Variants in JDP2 observed in about 807,000 individuals in gnomAD.
The protein encoded by JDP2 is progesterone receptor co-activator.
JDP2 carries 9 observed loss-of-function variants against 17.1 expected under a neutral mutation model. The ratio of observed to expected loss-of-function variants is 0.53; its 90% confidence interval spans 0.32 to 0.92. The LOEUF is 0.92. JDP2 is among the 40% of genes least tolerant of loss of function. The pLI is 0.04. For synonymous variants in JDP2, 107 were observed against 95.6 expected (o/e 1.12, Z -0.69); for missense variants, 179 against 220.0 (o/e 0.81, Z 1.18).
At position 75,470,702 on chromosome 14, in the gene JDP2, C is replaced by T. The variant is rs961773601; in HGVS notation, c.*1227C>T. The T allele has an allele frequency of 6.6e-6, 1 of 152,232 alleles. No individual in the cohort carries two copies. The highest frequency in any genetic ancestry group is 1.5e-5 in the Non-Finnish European group (1 of 68,038). 9.4% of individuals were successfully genotyped at this position (152,232 alleles called of 1,614,324 possible). A position where few individuals can be genotyped will look rare whatever the true frequency, so the allele number is the denominator to read the frequency against. On this transcript the variant is annotated 3_prime_UTR_variant, in exon 4 of 4. Coordinates refer to ENST00000651602, the MANE Select transcript of JDP2 (RefSeq NM_001135048.2). ...GTGTGTGCCAGGCCCTGAGAATTCA[C>T]TGGAGGATGAAACAGACCTAAGTCT...
chr14:75,455,150 G>C (rs532231190), intron 2 of JDP2, among the ~76,000 whole-genome samples: 4 of 152,248 alleles, frequency 2.6e-5, no homozygotes, highest in Non-Finnish European at 5.9e-5. Flanking sequence ...ATCTGCGTGC[G>C]CATGTACTGC....
intron 2 of JDP2, among the ~76,000 whole-genome samples, chr14:75,460,086 G>A (rs922558215): frequency 6.6e-6 from 1 of 152,226 alleles, no homozygotes; most frequent in African/African-American, 2.4e-5. Context: ...ATTTATCAAA[G>A]TAGGCAACAA....
At chr14:75,444,012 C>T (rs1368590793) in intron 2 of JDP2, among the ~76,000 whole-genome samples, 2 of 152,056 alleles carry the variant, frequency 1.3e-5, no homozygotes, top group Non-Finnish European at 2.9e-5. Flanking sequence ...AAGAAATCCT[C>T]TCACCTCAGC....
intron 2 of JDP2, among the ~76,000 whole-genome samples, chr14:75,453,172 G>T (rs1014171276): frequency 1.3e-5 from 2 of 152,076 alleles, no homozygotes; most frequent in Non-Finnish European, 2.9e-5. Flanking sequence ...GATGGGGGGT[G>T]GGGGAGTGGG....
At chr14:75,467,869 T>G (rs942535246) in intron 3 of JDP2, among the ~76,000 whole-genome samples, 1 of 152,194 alleles carries the variant, frequency 6.6e-6, no homozygotes, top group Non-Finnish European at 1.5e-5. Context: ...GAGCATTTTT[T>G]TTTCCTTTAG....
intron 3 of JDP2, among the ~76,000 whole-genome samples, chr14:75,462,658 C>CT (rs1418230638): frequency 6.6e-6 from 1 of 152,152 alleles, no homozygotes; most frequent in African/African-American, 2.4e-5. Flanking sequence ...GTTGGGTACA[C>CT]TGGGGGCACA....
intron 2 of JDP2, among the ~76,000 whole-genome samples, chr14:75,446,769 T>C (rs73301634): frequency 0.12 from 17,853 of 152,164 alleles, 3,558 homozygotes; most frequent in African/African-American, 0.41. Context: ...TAATACAAGT[T>C]GGTGAATTGT....
intron 2 of JDP2, among the ~76,000 whole-genome samples, chr14:75,459,107 T>A (rs1886235344): frequency 6.6e-6 from 1 of 152,146 alleles, no homozygotes; most frequent in Non-Finnish European, 1.5e-5. Context: ...GGGCAGAGGT[T>A]GGTTGCTCAG....
chr14:75,430,022 A>G lies in JDP2; in HGVS notation c.-24+1770A>G, dbSNP rs1884724467. Reference sequence around the variant, plus strand: ...GGAGATGTGTTGCAAAGTGGTGACAATGCCCCCTAGGAAGGGTTTGGATAA... The same window carrying G: ...GGAGATGTGTTGCAAAGTGGTGACAGTGCCCCCTAGGAAGGGTTTGGATAA... On this transcript the variant is annotated intron_variant, in intron 1 of 3. Transcript: ENST00000651602. The surrounding 1 kb of genome is among the most constrained non-coding windows in gnomAD (Gnocchi z 4.5). Among the ~76,000 whole-genome samples the G allele has an allele frequency of 6.6e-6, 1 of 152,068 alleles. No homozygotes were observed. Among genetic ancestry groups the G allele is most frequent in the African/African-American group, 2.4e-5 (1 of 41,392 alleles).
chr14:75,444,769 T>C (rs1221669859), intron 2 of JDP2, among the ~76,000 whole-genome samples: 1 of 152,206 alleles, frequency 6.6e-6, no homozygotes, highest in Admixed American at 6.5e-5. Flanking sequence ...CCATGTGTAG[T>C]GAACTACCTA....
At chr14:75,442,849 G>T (rs147262256) in intron 2 of JDP2, among the ~76,000 whole-genome samples, 1 of 152,078 alleles carries the variant, frequency 6.6e-6, no homozygotes. Flanking sequence ...GACTCTTTGC[G>T]GTTTCTTCCT....
intron 2 of JDP2, among the ~76,000 whole-genome samples, chr14:75,456,804 C>T (rs946848979): frequency 2.6e-5 from 4 of 152,180 alleles, no homozygotes; most frequent in Non-Finnish European, 4.4e-5. Context: ...GAGTACAGCT[C>T]GGCTCAGCCA....
At chr14:75,439,360 C>T (rs1297493911) in intron 2 of JDP2, among the ~76,000 whole-genome samples, 2 of 152,174 alleles carry the variant, frequency 1.3e-5, no homozygotes, top group Non-Finnish European at 1.5e-5. Context: ...TTAAAAGAAA[C>T]GCGAACCCCC....
intron 3 of JDP2, among the ~76,000 whole-genome samples, chr14:75,464,639 A>G (rs1353089438): frequency 2.0e-5 from 3 of 152,178 alleles, no homozygotes; most frequent in African/African-American, 7.2e-5. Context: ...CTGAGAGACA[A>G]CTGTATATAT....
chr14:75,434,552 C>T (rs995236891), intron 1 of JDP2, among the ~76,000 whole-genome samples: 3 of 152,238 alleles, frequency 2.0e-5, no homozygotes, highest in Non-Finnish European at 2.9e-5. Flanking sequence ...TTATGGGGCC[C>T]GTGCTCCCAG....
At chr14:75,429,465 CAT>C (rs1378505743) in intron 1 of JDP2, among the ~76,000 whole-genome samples, 1 of 152,134 alleles carries the variant, frequency 6.6e-6, no homozygotes, top group Non-Finnish European at 1.5e-5. Flanking sequence ...TGTTTGGGTA[CAT>C]TTGTACCCAA....
rs1374093787 is a variant in JDP2, at chr14:75,450,877, G to A, written c.202-10549G>A. 2.0e-5 allele frequency among the ~76,000 whole-genome samples: 3 copies of A among 152,346 alleles called. No individual in the cohort carries two copies. The South Asian group carries it at 6.2e-4, about 32-fold the overall frequency. On this transcript the variant is annotated intron_variant, in intron 2 of 3. Coordinates refer to ENST00000651602, the MANE Select transcript of JDP2 (RefSeq NM_001135048.2). ...ATAGAATATAATACAGTAGGGGCCA[G>A]GATACGCTCAGAGCAGAGGGACACC...
intron 3 of JDP2, among the ~76,000 whole-genome samples, chr14:75,468,649 C>A (rs931397876): frequency 1.3e-5 from 2 of 152,222 alleles, no homozygotes; most frequent in African/African-American, 4.8e-5. Flanking sequence ...ATTTGGGATC[C>A]AGCAGGATGA....
At chr14:75,449,429 A>G (rs371034661) in intron 2 of JDP2, among the ~76,000 whole-genome samples, 8 of 152,354 alleles carry the variant, frequency 5.3e-5, no homozygotes, top group African/African-American at 1.9e-4. Context: ...TAATCAAGGC[A>G]TATTACACCA....
Sources: allele counts gnomAD v4.1 joint callset (sites outside exome capture counted in the v4.1 genomes callset), GRCh38; gene constraint gnomAD v4.1.1; non-coding constraint Gnocchi (gnomAD v3.1); transcripts MANE v1.5; gene names NCBI Gene and HGNC (gene_info 2026-07-23, HGNC 2026-07-21).